FOLH1: variants seen among roughly 807,000 people sequenced by gnomAD.
FOLH1 encodes glutamate carboxypeptidase 2.
FOLH1 carries 54 observed loss-of-function variants against 93.9 expected under a neutral mutation model. The ratio of observed to expected loss-of-function variants is 0.57; its 90% CI spans 0.46 to 0.72. The LOEUF is 0.72. FOLH1 is among the 30% of genes least tolerant of loss of function. FOLH1 has a pLI of 0.00. For synonymous variants in FOLH1, 249 were observed against 303.6 expected, an observed-to-expected ratio of 0.82 and a Z score of 1.87; for missense variants, 571 against 892.5, an observed-to-expected ratio of 0.64 and a Z score of 4.59.
chr11:49,164,824 A>G (rs767823625), intron 12 of FOLH1, 52 bp from the exon 13 acceptor site: 2 of 1,387,472 alleles, frequency 1.4e-6, no homozygotes, highest in South Asian at 2.6e-5. Flanking sequence ...TTCTGTTATT[A>G]TTTTCTTCAA....
intron 13 of FOLH1, among the ~76,000 whole-genome samples, chr11:49,160,674 C>T (rs1007752164): frequency 1.2e-4 from 19 of 152,216 alleles, no homozygotes; most frequent in Middle Eastern, 3.4e-3. Context: ...GATCTCCTGA[C>T]CTTGTGATCT....
chr11:49,172,057 T>C (rs1378013094), intron 10 of FOLH1, among the ~76,000 whole-genome samples: 5 of 152,168 alleles, frequency 3.3e-5, no homozygotes, highest in Non-Finnish European at 7.4e-5. Flanking sequence ...CGAGTAGTCA[T>C]CATCTTAGTA....
chr11:49,148,420 T>C, intron 18 of FOLH1, among the ~76,000 whole-genome samples: 1 of 151,636 alleles, frequency 6.6e-6, no homozygotes, highest in Non-Finnish European at 1.5e-5. Flanking sequence ...AAATTTATAT[T>C]CTTTTATAAT....
At chr11:49,181,366 T>C (rs952555897) in intron 7 of FOLH1, among the ~76,000 whole-genome samples, 1 of 152,026 alleles carries the variant, frequency 6.6e-6, no homozygotes, top group African/African-American at 2.4e-5. Context: ...CGCCTCGGCC[T>C]CCCAAAGTGC....
At chr11:49,162,023 G>A (rs1318108454) in intron 13 of FOLH1, among the ~76,000 whole-genome samples, 2 of 152,286 alleles carry the variant, frequency 1.3e-5, no homozygotes, top group Admixed American at 1.3e-4. Flanking sequence ...CCCTTTGTAG[G>A]TAACCTGGCC....
At chr11:49,206,253 T>A in intron 1 of FOLH1, 81 bp from the exon 2 acceptor site, 2 of 1,590,370 alleles carry the variant, frequency 1.3e-6, no homozygotes, top group Non-Finnish European at 1.7e-6. Context: ...TATGTATTAT[T>A]TGTAAAACAC....
intron 13 of FOLH1, among the ~76,000 whole-genome samples, chr11:49,160,930 T>C (rs1857629657): frequency 6.6e-6 from 1 of 152,214 alleles, no homozygotes; most frequent in South Asian, 2.1e-4. Context: ...TCAATTTCCA[T>C]GGAATTGCAT....
chr11:49,191,501 C>A (rs1862039978), intron 4 of FOLH1, among the ~76,000 whole-genome samples: 1 of 152,122 alleles, frequency 6.6e-6, no homozygotes, highest in South Asian at 2.1e-4. Context: ...GATTTTAAGT[C>A]TATTTGAAGG....
chr11:49,189,662 A>G (rs773832196), intron 4 of FOLH1, among the ~76,000 whole-genome samples: 1 of 152,234 alleles, frequency 6.6e-6, no homozygotes, highest in Non-Finnish European at 1.5e-5. Flanking sequence ...AGTGTATTGA[A>G]TGAGTATGGC....
chr11:49,184,062 C>T (rs1210465951), intron 6 of FOLH1, among the ~76,000 whole-genome samples: 1 of 152,086 alleles, frequency 6.6e-6, no homozygotes, highest in African/African-American at 2.4e-5. Context: ...TAAGAAAAAT[C>T]AGAGTTGTTT....
chr11:49,182,798 C>A (rs997418247), intron 7 of FOLH1, among the ~76,000 whole-genome samples: 6 of 150,060 alleles, frequency 4.0e-5, no homozygotes, highest in African/African-American at 1.5e-4. Flanking sequence ...AACAGGCCTG[C>A]AGTAGTATCC....
At chr11:49,160,025 G>A (rs1419976971) in intron 13 of FOLH1, among the ~76,000 whole-genome samples, 8 of 151,510 alleles carry the variant, frequency 5.3e-5, no homozygotes, top group Non-Finnish European at 1.2e-4. Context: ...CAATTCTCCT[G>A]CTTCAGCCTC....
At position 49,161,096 on chromosome 11, in the gene FOLH1, C is replaced by T. The variant is rs7117875; in HGVS notation, c.1441-3053G>A. ...TGCCATGGGCTGATGAGAAGAATGT[C>T]TATTCTGTTGTTTCTGGGTGGAGAA... On this transcript the variant is annotated intron_variant, in intron 13 of 18. Transcript: ENST00000256999. 8.5e-3 allele frequency among the ~76,000 whole-genome samples: 1,291 copies of T among 152,218 alleles called. 19 individuals are homozygous for T. The highest frequency in any genetic ancestry group is 0.03 in the African/African-American group (1,244 of 41,526).
chr11:49,208,201 C>G, intron 1 of FOLH1, 91 bp downstream of exon 1: 1 of 951,700 alleles, frequency 1.1e-6, no homozygotes, highest in African/African-American at 1.7e-5. Context: ...AGACCAGCAA[C>G]AGGATCCCAC....
intron 17 of FOLH1, among the ~76,000 whole-genome samples, 156 bp from the exon 18 acceptor site, chr11:49,148,887 G>A (rs958836942): frequency 3.3e-5 from 5 of 152,184 alleles, no homozygotes; most frequent in African/African-American, 4.8e-5. Flanking sequence ...GTCCTGCAAG[G>A]AGGACACATG....
intron 18 of FOLH1, among the ~76,000 whole-genome samples, chr11:49,147,769 G>A (rs920382409): frequency 1.1e-4 from 16 of 151,974 alleles, no homozygotes; most frequent in Admixed American, 7.2e-4. Context: ...ACAAATGAAC[G>A]TACAAATATT....
chr11:49,168,801 T>C (rs959006829), intron 12 of FOLH1, among the ~76,000 whole-genome samples: 2 of 152,230 alleles, frequency 1.3e-5, no homozygotes, highest in East Asian at 3.9e-4. Context: ...CCATTCTAAA[T>C]TATAGAACTC....
chr11:49,190,042 C>T (rs1463594857), intron 4 of FOLH1, among the ~76,000 whole-genome samples: 1 of 152,136 alleles, frequency 6.6e-6, no homozygotes, highest in Non-Finnish European at 1.5e-5. Context: ...CATTGTTAAC[C>T]CTCTCTGGAG....
rs1855761333 is a variant in FOLH1 at position 49,146,034 on chromosome 11, G to C, written c.*722C>G. ...AATGCCAAAACATGTAAAGGATACA[G>C]CCATGTGTGATAAAATTATAAATAA... is the stretch of plus-strand genomic sequence containing the variant. On this transcript the variant is annotated 3_prime_UTR_variant, in exon 19 of 19. Coordinates refer to ENST00000256999, the MANE Select transcript of FOLH1 (RefSeq NM_004476.3). Among the ~76,000 whole-genome samples the C allele has an allele frequency of 6.6e-6, 1 of 152,062 alleles. No individual in the cohort carries two copies. Among genetic ancestry groups the C allele is most frequent in the Non-Finnish European group, 1.5e-5 (1 of 68,022 alleles).
Sources: gnomAD v4.1 joint callset for allele counts (sites outside exome capture counted in the v4.1 genomes callset) on GRCh38, gnomAD v4.1.1 for gene constraint, MANE v1.5 for transcripts, NCBI Gene and HGNC (gene_info 2026-07-23, HGNC 2026-07-21) for gene names.